The following TOX variants were observed in gnomAD, a reference collection of about 807,000 sequenced individuals.
TOX encodes the protein thymocyte selection associated high mobility group box, also known as thymocyte selection-associated high mobility group box protein TOX.
Under a neutral mutation model 53.7 loss-of-function variants are expected in TOX, and 11 were observed. That is an observed-to-expected ratio of 0.20 (90% CI 0.13 to 0.34). The LOEUF (loss-of-function observed/expected upper bound fraction) is 0.34. Among genes scored for constraint, TOX ranks in the 10% least tolerant of loss-of-function variants. The pLI is 1.00. For synonymous variants in TOX, 225 were observed against 245.3 expected (o/e 0.92, Z 0.77); for missense variants, 570 against 664.6 (o/e 0.86, Z 1.56).
chr8:58,991,986 G>T (rs988464055), intron 1 of TOX: 2 of 152,224 alleles, frequency 1.3e-5, no homozygotes, highest in African/African-American at 4.8e-5. Flanking sequence ...AGACGCCGGA[G>T]CCCTCGTTAC....
At chr8:58,829,805 C>T (rs1810423214) in intron 5 of TOX, among the ~76,000 whole-genome samples, 1 of 152,058 alleles carries the variant, frequency 6.6e-6, no homozygotes, top group South Asian at 2.1e-4. Context: ...ATTCCACATG[C>T]AGGTGAAGTA....
chr8:59,052,109 G>C lies in TOX; in HGVS notation c.102+66777C>G, dbSNP rs564834774. ...TGTTTTGGATGAGATCCGAATATAT[G>C]AGGAATCATCCATAACACTTTTCTC... is the stretch of plus-strand genomic sequence containing the variant. On this transcript the variant is annotated intron_variant, in intron 1 of 8. Transcript: ENST00000361421. 2.4e-4 allele frequency among the ~76,000 whole-genome samples: 37 copies of C among 152,212 alleles called. 1 individual carries two copies. The highest frequency in any genetic ancestry group is 8.7e-4 in the African/African-American group (36 of 41,536).
intron 1 of TOX, among the ~76,000 whole-genome samples, chr8:59,092,901 A>G (rs548090690): frequency 6.6e-6 from 1 of 152,192 alleles, no homozygotes; most frequent in South Asian, 2.1e-4. Flanking sequence ...GTAAGTGCCC[A>G]GTAAATATTC....
At chr8:59,085,394 A>C (rs76480954) in intron 1 of TOX, among the ~76,000 whole-genome samples, 7 of 83,674 alleles carry the variant, frequency 8.4e-5, no homozygotes, top group Admixed American at 3.7e-4. Context: ...TTCCTTTTTT[A>C]TTTTTTCTTT....
At chr8:58,976,118 C>T (rs1813095479) in intron 1 of TOX, among the ~76,000 whole-genome samples, 1 of 151,984 alleles carries the variant, frequency 6.6e-6, no homozygotes, top group Admixed American at 6.6e-5. Context: ...CTCTTTCTTC[C>T]ATGAAAGATT....
intron 3 of TOX, among the ~76,000 whole-genome samples, chr8:58,852,588 T>G (rs1197420555): frequency 6.6e-6 from 1 of 152,156 alleles, no homozygotes; most frequent in East Asian, 1.9e-4. Flanking sequence ...GATGAAGCTT[T>G]TAAGGTATCT....
At chr8:58,999,791 A>G (rs1813654857) in intron 1 of TOX, among the ~76,000 whole-genome samples, 1 of 152,174 alleles carries the variant, frequency 6.6e-6, no homozygotes, top group Admixed American at 6.5e-5. Context: ...GAATTTCTAG[A>G]GAAAATTAGG....
chr8:59,072,097 T>C (rs1045174450), intron 1 of TOX, among the ~76,000 whole-genome samples: 1 of 152,192 alleles, frequency 6.6e-6, no homozygotes, highest in Non-Finnish European at 1.5e-5. Context: ...ACCAGCAAGA[T>C]TACACATTAC....
intron 1 of TOX, among the ~76,000 whole-genome samples, chr8:59,039,001 G>A (rs1226634872): frequency 6.6e-6 from 1 of 152,164 alleles, no homozygotes; most frequent in South Asian, 2.1e-4. Context: ...TCAGGCAAAG[G>A]CACTTAGATT....
intron 1 of TOX, among the ~76,000 whole-genome samples, chr8:59,018,873 T>C (rs983450708): frequency 2.6e-5 from 4 of 152,156 alleles, no homozygotes; most frequent in African/African-American, 9.7e-5. Flanking sequence ...AACAGAATAA[T>C]TGTAATTTTT....
At chr8:59,102,964 T>C (rs1252186047) in intron 1 of TOX, among the ~76,000 whole-genome samples, 1 of 152,212 alleles carries the variant, frequency 6.6e-6, no homozygotes, top group Non-Finnish European at 1.5e-5. Context: ...ATTCGCTTCA[T>C]GTTAGGTTTT....
rs772902309 is a variant in TOX, at chr8:58,816,548, C to A, written c.1006-824G>T. ...GCAATTCCTCATGGGCCTGAACCTA[C>A]CTCCTACATTTCCTGAGAGGAAGAG... On this transcript the variant is annotated intron_variant, in intron 6 of 8. Coordinates refer to ENST00000361421, the MANE Select transcript of TOX (RefSeq NM_014729.3). Among the ~76,000 whole-genome samples the A allele has an allele frequency of 1.4e-4, 21 of 152,138 alleles. 1 individual carries two copies. Among genetic ancestry groups the A allele is most frequent in the Non-Finnish European group, 2.9e-5 (2 of 67,998 alleles).
chr8:58,853,796 T>C (rs947351003), intron 3 of TOX, among the ~76,000 whole-genome samples: 4 of 152,224 alleles, frequency 2.6e-5, no homozygotes, highest in Admixed American at 2.6e-4. Context: ...ATGTAACTTC[T>C]ACAATCTGAT....
At chr8:58,942,213 C>A (rs751834630) in intron 2 of TOX, among the ~76,000 whole-genome samples, 1 of 152,114 alleles carries the variant, frequency 6.6e-6, no homozygotes. Context: ...CCACTTTACA[C>A]TCTAGGGTTT....
At chr8:58,968,579 T>C (rs1812945188) in intron 1 of TOX, among the ~76,000 whole-genome samples, 2 of 152,188 alleles carry the variant, frequency 1.3e-5, no homozygotes, top group Admixed American at 1.3e-4. Flanking sequence ...TCTCACCTCA[T>C]TTACCACAGT....
chr8:59,003,195 G>A (rs1813726089), intron 1 of TOX, among the ~76,000 whole-genome samples: 1 of 152,088 alleles, frequency 6.6e-6, no homozygotes, highest in Non-Finnish European at 1.5e-5. Flanking sequence ...GTTAGTTACT[G>A]GGTAATAAAA....
intron 1 of TOX, among the ~76,000 whole-genome samples, chr8:59,093,983 T>G (rs952967493): frequency 6.6e-6 from 1 of 152,192 alleles, no homozygotes; most frequent in Non-Finnish European, 1.5e-5. Flanking sequence ...GATGGCTGTA[T>G]TAATGTAAGC....
rs1813288201 is a variant in TOX, at chr8:58,984,615, C to T, written c.103-24607G>A. Among the ~76,000 whole-genome samples, 3 of 152,034 alleles carry T rather than the reference C, an allele frequency of 2.0e-5. No individual in the cohort carries two copies. In the South Asian group the frequency reaches 6.2e-4, roughly 32 times the overall value. Reference sequence around the variant, plus strand: ...ACACCACAGTGAAACCCCGTCTCTACTAAAAATCCAAAAAATAATTAGCTG... The same window carrying T: ...ACACCACAGTGAAACCCCGTCTCTATTAAAAATCCAAAAAATAATTAGCTG... On this transcript the variant is annotated intron_variant, in intron 1 of 8. Transcript: ENST00000361421.
chr8:59,021,644 T>C (rs1310815050), intron 1 of TOX, among the ~76,000 whole-genome samples: 2 of 151,462 alleles, frequency 1.3e-5, no homozygotes, highest in Non-Finnish European at 2.9e-5. Context: ...AATACAAAAA[T>C]AGATTGGTTT....
Sources: gnomAD v4.1 joint callset for allele counts (sites outside exome capture counted in the v4.1 genomes callset) on GRCh38, gnomAD v4.1.1 for gene constraint, MANE v1.5 for transcripts, NCBI Gene and HGNC (gene_info 2026-07-23, HGNC 2026-07-21) for gene names.